Variants in CNTNAP2 observed in about 807,000 individuals in gnomAD.
CNTNAP2 encodes the protein contactin associated protein 2, also known as contactin-associated protein-like 2.
A neutral mutation model predicts 155.2 loss-of-function variants in CNTNAP2; 98 were observed. The observed-to-expected ratio is 0.63, with a 90% CI of 0.54 to 0.75. CNTNAP2 has a LOEUF of 0.75. Ranked by LOEUF, CNTNAP2 falls within the 30% of genes least tolerant of loss-of-function variation. The probability of loss-of-function intolerance (pLI) is 0.00; values close to 1 mark genes in which losing one functional copy is unlikely to be tolerated. For missense variants in CNTNAP2, 1,727 were observed against 1,688.1 expected (o/e 1.02, Z -0.40); for synonymous variants, 651 against 631.2 (o/e 1.03, Z -0.47).
chr7:146,322,634 C>CTTTTTTTTTTTTTTTTTTTTTT lies in CNTNAP2; in HGVS notation c.97+205679_97+205680insTTTTTTTTTTTTTTTTTTTTTT, dbSNP rs56287346. ...AAGAGGAGACTGTTGTGTTCATTCT[C>CTTTTTTTTTTTTTTTTTTTTTT]TTTTTTTTTTTTTTTTTTGCTGGCT... On this transcript the variant is annotated intron_variant, in intron 1 of 23. Transcript: ENST00000361727. Among the ~76,000 whole-genome samples the CTTTTTTTTTTTTTTTTTTTTTT allele has an allele frequency of 4.0e-4, 26 of 64,958 alleles. 5 individuals are homozygous for CTTTTTTTTTTTTTTTTTTTTTT. Among genetic ancestry groups the CTTTTTTTTTTTTTTTTTTTTTT allele is most frequent in the South Asian group, 7.2e-4 (1 of 1,390 alleles). 42.6% of individuals were successfully genotyped at this position (64,958 alleles called of 152,430 possible). A position where few individuals can be genotyped will look rare whatever the true frequency, so the allele number is the denominator to read the frequency against.
intron 1 of CNTNAP2, among the ~76,000 whole-genome samples, chr7:146,347,138 T>TAAA (rs59530824): frequency 3.2e-5 from 3 of 93,848 alleles, no homozygotes; most frequent in Admixed American, 1.3e-4. Flanking sequence ...CCATACTCTG[T>TAAA]AAAAAAAAAA....
At chr7:146,153,812 G>A (rs918931500) in intron 1 of CNTNAP2, among the ~76,000 whole-genome samples, 4 of 152,042 alleles carry the variant, frequency 2.6e-5, no homozygotes, top group Admixed American at 6.6e-5. Context: ...TGAATAATAC[G>A]TAACAGCAAT....
rs1563099367 is a variant in CNTNAP2, at chr7:146,477,675, AT to A, written c.98-296595del. 5.8e-5 allele frequency among the ~76,000 whole-genome samples: 8 copies of A among 138,912 alleles called. No individual in the cohort carries two copies. In the South Asian group the frequency reaches 9.0e-4, roughly 16 times the overall value. 91.1% of individuals were successfully genotyped at this position (138,912 alleles called of 152,430 possible). A position where few individuals can be genotyped will look rare whatever the true frequency, so the allele number is the denominator to read the frequency against. On this transcript the variant is annotated intron_variant, in intron 1 of 23. Transcript: ENST00000361727. The stretch of plus-strand genomic sequence containing the variant: ...CACACACACACACACACACACACAC[AT>A]CTTCTGGATTGTATACTAAAAATTT...
At chr7:147,444,369 A>G (rs1797694499) in intron 10 of CNTNAP2, among the ~76,000 whole-genome samples, 1 of 152,174 alleles carries the variant, frequency 6.6e-6, no homozygotes. Flanking sequence ...ATTTTCTGTA[A>G]ACACCTATCC....
intron 3 of CNTNAP2, among the ~76,000 whole-genome samples, chr7:146,861,097 A>G (rs142148051): frequency 2.0e-5 from 3 of 151,824 alleles, no homozygotes; most frequent in East Asian, 3.9e-4. Context: ...GCCTCATCCT[A>G]TTTCCCAGGC....
intron 15 of CNTNAP2, among the ~76,000 whole-genome samples, chr7:148,036,256 A>G (rs1406704118): frequency 6.6e-6 from 1 of 152,184 alleles, no homozygotes; most frequent in Non-Finnish European, 1.5e-5. Flanking sequence ...TGTGAGAAAG[A>G]CATGAATTTG....
chr7:146,907,966 C>G (rs1796176585), intron 3 of CNTNAP2, among the ~76,000 whole-genome samples: 1 of 152,052 alleles, frequency 6.6e-6, no homozygotes, highest in Non-Finnish European at 1.5e-5. Flanking sequence ...ATCTACCAAG[C>G]AAATAGAAAA....
At chr7:148,370,147 A>C (rs1798859669) in intron 21 of CNTNAP2, among the ~76,000 whole-genome samples, 1 of 152,160 alleles carries the variant, frequency 6.6e-6, no homozygotes, top group African/African-American at 2.4e-5. Context: ...CCCACCTCGG[A>C]GGATACACTG....
intron 4 of CNTNAP2, among the ~76,000 whole-genome samples, chr7:147,096,207 T>C (rs1391002283): frequency 6.6e-6 from 1 of 152,210 alleles, no homozygotes; most frequent in Non-Finnish European, 1.5e-5. Flanking sequence ...TAAAGAACTA[T>C]GTGGCCAAGA....
intron 1 of CNTNAP2, among the ~76,000 whole-genome samples, chr7:146,593,897 C>G (rs1433029383): frequency 6.6e-6 from 1 of 152,122 alleles, no homozygotes; most frequent in African/African-American, 2.4e-5. Flanking sequence ...TTAATTTTAG[C>G]AAGACTCTTG....
chr7:146,995,224 A>C (rs1444704644), intron 3 of CNTNAP2, among the ~76,000 whole-genome samples: 1 of 152,044 alleles, frequency 6.6e-6, no homozygotes, highest in African/African-American at 2.4e-5. Context: ...ATGTTTTAAA[A>C]ATCCATTCAT....
At chr7:146,726,213 A>G (rs1801428660) in intron 1 of CNTNAP2, among the ~76,000 whole-genome samples, 1 of 152,170 alleles carries the variant, frequency 6.6e-6, no homozygotes, top group African/African-American at 2.4e-5. Context: ...TGTTTTCCTC[A>G]ATATTTCTAG....
In CNTNAP2 at chr7:147,016,060, C is replaced by T. The variant is rs570345774; in HGVS notation, c.403-27847C>T. On this transcript the variant is annotated intron_variant, in intron 3 of 23. Transcript: ENST00000361727. ...TTTCATTGCTTGAGTACTGTGCTCA[C>T]CCCTTTGGGAACACCAGAAATTTGA... 1.6e-4 allele frequency among the ~76,000 whole-genome samples: 24 copies of T among 152,160 alleles called. No individual in the cohort carries two copies. The South Asian group carries it at 5.0e-3, about 32-fold the overall frequency.
In CNTNAP2 at chr7:146,943,690, T is replaced by C. The variant is rs543562965; in HGVS notation, c.403-100217T>C. Among the ~76,000 whole-genome samples the C allele has an allele frequency of 1.4e-4, 22 of 152,304 alleles. No homozygotes were observed. In the South Asian group the frequency reaches 4.6e-3, roughly 32 times the overall value. On this transcript the variant is annotated intron_variant, in intron 3 of 23. Coordinates refer to ENST00000361727, the MANE Select transcript of CNTNAP2 (RefSeq NM_014141.6). ...GCTTTTACTGGTGATGTCATGACTT[T>C]TCTCTGCTTCTTGGGAGCACTTCGA...
chr7:146,705,552 C>T lies in CNTNAP2; in HGVS notation c.98-68719C>T, dbSNP rs561105454. 7.9e-5 allele frequency among the ~76,000 whole-genome samples: 12 copies of T among 152,158 alleles called. No individual in the cohort carries two copies. In the South Asian group the frequency reaches 1.0e-3, roughly 13 times the overall value. On this transcript the variant is annotated intron_variant, in intron 1 of 23. Transcript: ENST00000361727. ...GGTACAACGTATTAGTCTGTTCTCACGCTGCTAATAAAAATATACCTGAGA... is the reference window on the plus strand; with the variant it reads ...GGTACAACGTATTAGTCTGTTCTCATGCTGCTAATAAAAATATACCTGAGA...
At chr7:146,760,048 T>C (rs1413556560) in intron 1 of CNTNAP2, among the ~76,000 whole-genome samples, 1 of 152,190 alleles carries the variant, frequency 6.6e-6, no homozygotes, top group Non-Finnish European at 1.5e-5. Flanking sequence ...GCAAACTTTA[T>C]TGCTTTCACC....
intron 2 of CNTNAP2, among the ~76,000 whole-genome samples, chr7:146,798,722 A>G (rs185878802): frequency 3.9e-5 from 6 of 152,314 alleles, no homozygotes; most frequent in South Asian, 4.1e-4. Context: ...AACTAATACA[A>G]TAAGTTTTAT....
chr7:147,224,014 G>A (rs1408889086), intron 8 of CNTNAP2, among the ~76,000 whole-genome samples: 1 of 145,154 alleles, frequency 6.9e-6, no homozygotes, highest in African/African-American at 2.6e-5. Context: ...AAATCAAAGA[G>A]AGTTGGGTTG....
chr7:146,694,740 A>G (rs970731776), intron 1 of CNTNAP2, among the ~76,000 whole-genome samples: 1 of 152,156 alleles, frequency 6.6e-6, no homozygotes, highest in Non-Finnish European at 1.5e-5. Flanking sequence ...ATATCTTTAC[A>G]TTTATTCAAA....
Sources: allele counts gnomAD v4.1 joint callset (sites outside exome capture counted in the v4.1 genomes callset), GRCh38; gene constraint gnomAD v4.1.1; transcripts MANE v1.5; gene names NCBI Gene and HGNC (gene_info 2026-07-23, HGNC 2026-07-21).